The following RETREG3 variants were observed in gnomAD, a reference collection of about 807,000 sequenced individuals.
RETREG3 encodes the protein reticulophagy regulator family member 3, also known as reticulophagy regulator 3.
In RETREG3, 23 loss-of-function variants were observed where a neutral mutation model predicts 50.2. That is an observed-to-expected ratio of 0.46 (90% CI 0.33 to 0.65). RETREG3 has a LOEUF of 0.65. RETREG3 is among the 30% of genes least tolerant of loss of function. The pLI is 0.02. For synonymous variants in RETREG3, 240 were observed against 234.4 expected, an observed-to-expected ratio of 1.02 and a Z score of -0.22; for missense variants, 546 against 598.0, an observed-to-expected ratio of 0.91 and a Z score of 0.91.
chr17:42,597,526 T>TGC (rs1252774354), intron 1 of RETREG3, among the ~76,000 whole-genome samples: 9 of 67,092 alleles, frequency 1.3e-4, no homozygotes, highest in African/African-American at 3.2e-4. Flanking sequence ...TGTGTGTGTA[T>TGC]ATATATATAT....
intron 1 of RETREG3, among the ~76,000 whole-genome samples, chr17:42,607,458 C>G (rs930711160): frequency 6.9e-5 from 10 of 144,432 alleles, no homozygotes; most frequent in Admixed American, 2.9e-4. Flanking sequence ...CGAGATCATA[C>G]CACTGCACTC....
chr17:42,587,666 C>G, intron 3 of RETREG3, 168 bp downstream of exon 3: 1 of 740,350 alleles, frequency 1.4e-6, no homozygotes, highest in African/African-American at 1.8e-5. Flanking sequence ...CAGGCCATCT[C>G]AACATATTGC....
Position 42,609,197 on chromosome 17 carries a change from A to G in RETREG3, c.128T>C (p.Val43Ala), listed in dbSNP as rs762513648. ...AGGCTCGTAAGGCCCCAGCACCTCCACCAGGGCCCGCTGCGCCGCCTCAAC... is the reference window on the plus strand; with the variant it reads ...AGGCTCGTAAGGCCCCAGCACCTCCGCCAGGGCCCGCTGCGCCGCCTCAAC... ...QQVEAAQRAL[V>A]EVLGPYEPLL... is the part of the protein sequence containing the mutation. Residue 43 changes from valine to alanine, a missense_variant, in exon 1 of 9, where the codon GTG (valine) becomes GCG (alanine). Val to Ala is a moderately conservative substitution (Grantham distance 64, BLOSUM62 0). Transcript: ENST00000309428. The G allele has an allele frequency of 6.2e-7, 1 of 1,608,796 alleles. No individual in the cohort carries two copies. Among genetic ancestry groups the G allele is most frequent in the Non-Finnish European group, 8.5e-7 (1 of 1,179,686 alleles).
At chr17:42,603,804 G>C (rs934863412) in intron 1 of RETREG3, among the ~76,000 whole-genome samples, 3 of 151,916 alleles carry the variant, frequency 2.0e-5, no homozygotes, top group Admixed American at 6.6e-5. Flanking sequence ...GGTGAAACCC[G>C]GTCTCTACTA....
At chr17:42,596,028 G>A (rs1446683919) in intron 1 of RETREG3, among the ~76,000 whole-genome samples, 2 of 152,138 alleles carry the variant, frequency 1.3e-5, no homozygotes, top group East Asian at 3.9e-4. Flanking sequence ...TATATTTGCA[G>A]TTGTTTTTGC....
intron 1 of RETREG3, chr17:42,605,324 T>C (rs951397584): frequency 2.6e-5 from 4 of 152,140 alleles, no homozygotes; most frequent in Admixed American, 6.6e-5. Context: ...GTTAATGATA[T>C]GTCATTTTTG....
chr17:42,607,499 C>CA (rs34542887), intron 1 of RETREG3, among the ~76,000 whole-genome samples: 1,489 of 46,646 alleles, frequency 0.032, 126 homozygotes, highest in African/African-American at 0.11. Context: ...GACCTTGTCT[C>CA]AAAAAAAAAA....
At position 42,581,918 on chromosome 17, in the gene RETREG3, C is replaced by A. The variant is rs1343160620; in HGVS notation, c.1296G>T (p.Arg432=). The A allele has an allele frequency of 1.1e-5, 17 of 1,614,004 alleles. No homozygotes were observed. Among genetic ancestry groups the A allele is most frequent in the Non-Finnish European group, 1.1e-5 (13 of 1,180,034 alleles). The change falls in exon 9 of 9, where the codon CGG becomes CGT. Residue 432 remains arginine (R), a synonymous_variant. Transcript: ENST00000309428. ...PAQRATRGFL[R]SPSSDLDTDA... ...CAGTGTCCAGGTCTGAACTGGGGGA[C>A]CGGAGGAAGCCTCTCGTTGCTCTCT...
intron 1 of RETREG3, among the ~76,000 whole-genome samples, chr17:42,599,702 G>GA (rs2093155005): frequency 6.8e-6 from 1 of 147,600 alleles, no homozygotes; most frequent in Non-Finnish European, 1.5e-5. Flanking sequence ...CATGTTTATC[G>GA]AAAAAAAAGT....
intron 1 of RETREG3, among the ~76,000 whole-genome samples, chr17:42,605,948 G>A (rs1164137201): frequency 3.6e-5 from 5 of 138,180 alleles, no homozygotes; most frequent in South Asian, 2.2e-4. Flanking sequence ...CCAAGATCAC[G>A]CCATTGCACC....
rs561091558 is a variant in RETREG3 at position 42,586,312 on chromosome 17, T to C, written c.505-175A>G. ...GGAAGAAAAGGAGCATGTCCCCTTC[T>C]ATTCAAACTCCTTTTACATGGCTAA... On this transcript the variant is annotated intron_variant, in intron 4 of 8. Coordinates refer to ENST00000309428, the MANE Select transcript of RETREG3 (RefSeq NM_178126.4). 65 of 613,630 alleles carry C rather than the reference T, an allele frequency of 1.1e-4. 1 individual carries two copies. The South Asian group carries it at 1.1e-3, about 10-fold the overall frequency. 38.0% of individuals were successfully genotyped at this position (613,630 alleles called of 1,614,324 possible). A position where few individuals can be genotyped will look rare whatever the true frequency, so the allele number is the denominator to read the frequency against.
intron 2 of RETREG3, 118 bp from the exon 3 acceptor site, chr17:42,587,982 G>T: frequency 8.7e-7 from 1 of 1,144,154 alleles, no homozygotes; most frequent in Non-Finnish European, 1.3e-6. Context: ...AACAGTAATA[G>T]CCGATAAAAA....
At chr17:42,605,059 T>C (rs1292470426) in intron 1 of RETREG3, among the ~76,000 whole-genome samples, 3 of 150,728 alleles carry the variant, frequency 2.0e-5, no homozygotes, top group African/African-American at 7.3e-5. Flanking sequence ...AGACCTCTGA[T>C]ATGGCCACCA....
intron 1 of RETREG3, among the ~76,000 whole-genome samples, chr17:42,607,127 G>A (rs2093169172): frequency 6.6e-6 from 1 of 152,138 alleles, no homozygotes; most frequent in Non-Finnish European, 1.5e-5. Flanking sequence ...TGTTTTGACT[G>A]GATAAAACAC....
In RETREG3 at chr17:42,585,226, T is replaced by C; in HGVS notation, c.626A>G (p.His209Arg). 2 of 1,613,910 alleles carry C rather than the reference T, an allele frequency of 1.2e-6. No individual in the cohort carries two copies. ...TVMMWPLAVY[H>R]RLWDRAYVRL... ...CACATATGCTCGATCCCACAGTCGG[T>C]GGTACACAGCAAGGGGCCACATCAT... is the stretch of plus-strand genomic sequence containing the variant. Residue 209 changes from histidine to arginine, a missense_variant, in exon 6 of 9, where the codon CAC becomes CGC. Physicochemically the swap from His to Arg is conservative, Grantham distance 29. Coordinates refer to ENST00000309428, the MANE Select transcript of RETREG3 (RefSeq NM_178126.4).
Position 42,608,318 on chromosome 17 carries a change from C to T in RETREG3, c.239+768G>A, listed in dbSNP as rs532551392. On this transcript the variant is annotated intron_variant, in intron 1 of 8. Coordinates refer to ENST00000309428, the MANE Select transcript of RETREG3 (RefSeq NM_178126.4). ...AAGCAGCAGTTCCATTTTCACAGAG[C>T]ATGACACACACAAATAAAGCATATT... 2.6e-5 allele frequency among the ~76,000 whole-genome samples: 4 copies of T among 152,280 alleles called. No homozygotes were observed. In the South Asian group the frequency reaches 8.3e-4, roughly 32 times the overall value.
In RETREG3 at chr17:42,609,141, A is replaced by T. The variant is rs1315920089; in HGVS notation, c.184T>A (p.Trp62Arg). 6.2e-7 allele frequency: 1 copy of T among 1,609,972 alleles called. No homozygotes were observed. The highest frequency in any genetic ancestry group is 8.5e-7 in the Non-Finnish European group (1 of 1,179,908). The change falls in exon 1 of 9, where the codon TGG becomes AGG. Residue 62 changes from tryptophan to arginine, a missense_variant. Transcript: ENST00000309428. ...AGAGCGCTCCTAGCTGGCCGCTCCC[A>T]CACCAGGGCTGCCTGCACCCGACTC... ...LLSRVQAALV[W>R]ERPARSALWC... is the part of the protein sequence containing the mutation.
At chr17:42,589,068 G>A (rs1236572827) in intron 2 of RETREG3, among the ~76,000 whole-genome samples, 1 of 148,724 alleles carries the variant, frequency 6.7e-6, no homozygotes, top group African/African-American at 2.5e-5. Context: ...AGGAGTTCAA[G>A]TCCATCCTGG....
At chr17:42,603,423 C>T (rs918884467) in intron 1 of RETREG3, among the ~76,000 whole-genome samples, 7 of 152,038 alleles carry the variant, frequency 4.6e-5, no homozygotes, top group African/African-American at 7.2e-5. Context: ...CCCAAGTCAC[C>T]GGTAAATTCA....
Sources: gnomAD v4.1 joint callset for allele counts (sites outside exome capture counted in the v4.1 genomes callset) on GRCh38, gnomAD v4.1.1 for gene constraint, MANE v1.5 for transcripts, NCBI Gene and HGNC (gene_info 2026-07-23, HGNC 2026-07-21) for gene names.